Variants in NBEA observed in about 807,000 individuals in gnomAD.
NBEA encodes the protein lysosomal-trafficking regulator 2.
In NBEA, 44 loss-of-function variants were observed where a neutral mutation model predicts 343.4. That is an observed-to-expected ratio of 0.13 (90% CI 0.10 to 0.16). The LOEUF (loss-of-function observed/expected upper bound fraction) is 0.16. NBEA is among the 10% of genes least tolerant of loss of function. The pLI is 1.00. For synonymous variants in NBEA, 1,175 were observed against 1,238.7 expected, an observed-to-expected ratio of 0.95 and a Z score of 1.08; for missense variants, 2,555 against 3,631.3, an observed-to-expected ratio of 0.70 and a Z score of 7.62.
At chr13:35,115,556 T>C (rs1175465182) in intron 13 of NBEA, among the ~76,000 whole-genome samples, 2 of 152,158 alleles carry the variant, frequency 1.3e-5, no homozygotes, top group African/African-American at 4.8e-5. Context: ...TATGTATTAC[T>C]AATTTATTGT....
At chr13:35,106,557 A>G (rs760313291) in intron 11 of NBEA, among the ~76,000 whole-genome samples, 15 of 152,000 alleles carry the variant, frequency 9.9e-5, no homozygotes, top group African/African-American at 3.6e-4. Context: ...AGGAGGAAAG[A>G]TAAGTACTAC....
At chr13:34,956,382 GAA>G (rs1335713116) in intron 1 of NBEA, among the ~76,000 whole-genome samples, 2 of 146,572 alleles carry the variant, frequency 1.4e-5, no homozygotes, top group African/African-American at 5.0e-5. Context: ...GAAAGTCAGT[GAA>G]AGTTGTTTTT....
Position 35,154,327 on chromosome 13 carries a change from T to C in NBEA, c.2446-1447T>C, listed in dbSNP as rs150869567. 1.6e-3 allele frequency among the ~76,000 whole-genome samples: 243 copies of C among 152,300 alleles called. 1 individual carries two copies. The highest frequency in any genetic ancestry group is 5.2e-3 in the African/African-American group (216 of 41,568). ...TTTTCCATCTTCAGCTTCTACAATA[T>C]AGCTATGTTCAATTGTCCTTTCAAC... On this transcript the variant is annotated intron_variant, in intron 18 of 58. Coordinates refer to ENST00000379939, the MANE Select transcript of NBEA (RefSeq NM_001385012.1).
chr13:35,251,288 G>A, intron 34 of NBEA: 1 of 623,224 alleles, frequency 1.6e-6, no homozygotes, highest in Non-Finnish European at 2.1e-6. Flanking sequence ...CAGATTCATA[G>A]TATGCCAGCA....
intron 1 of NBEA, among the ~76,000 whole-genome samples, chr13:34,961,492 C>G (rs1326362390): frequency 2.0e-5 from 3 of 151,898 alleles, no homozygotes; most frequent in Admixed American, 6.6e-5. Flanking sequence ...GCACGCACCC[C>G]CATATAAATA....
At chr13:35,246,719 C>G (rs1291721848) in intron 34 of NBEA, among the ~76,000 whole-genome samples, 1 of 152,132 alleles carries the variant, frequency 6.6e-6, no homozygotes, top group African/African-American at 2.4e-5. Flanking sequence ...TCTGAAGGTC[C>G]TCAGTTGTAG....
At chr13:35,269,388 A>G (rs2033951460) in intron 34 of NBEA, among the ~76,000 whole-genome samples, 1 of 152,200 alleles carries the variant, frequency 6.6e-6, no homozygotes, top group African/African-American at 2.4e-5. Context: ...AGACCAAGTA[A>G]GATTGGGCAA....
chr13:35,132,192 C>T (rs1164491156), intron 17 of NBEA, among the ~76,000 whole-genome samples: 2 of 152,136 alleles, frequency 1.3e-5, no homozygotes, highest in African/African-American at 2.4e-5. Flanking sequence ...GAGTCTCACT[C>T]TATTACCCAG....
intron 35 of NBEA, among the ~76,000 whole-genome samples, chr13:35,304,085 C>G (rs886112615): frequency 1.3e-5 from 2 of 152,134 alleles, no homozygotes; most frequent in Non-Finnish European, 2.9e-5. Flanking sequence ...GAATGTGACA[C>G]AGTCCCACCA....
chr13:35,319,401 G>T (rs2037978357), intron 36 of NBEA, among the ~76,000 whole-genome samples: 1 of 152,140 alleles, frequency 6.6e-6, no homozygotes, highest in Admixed American at 6.5e-5. Flanking sequence ...ATGTAGTTGT[G>T]TGGTTTTAAG....
At chr13:35,662,300 T>C (rs2085131264) in intron 55 of NBEA, among the ~76,000 whole-genome samples, 1 of 152,196 alleles carries the variant, frequency 6.6e-6, no homozygotes, top group Non-Finnish European at 1.5e-5. Context: ...CGGTGAGTGC[T>C]TCTGTGGAGG....
intron 4 of NBEA, among the ~76,000 whole-genome samples, chr13:35,047,254 A>C (rs943682210): frequency 6.6e-6 from 1 of 151,112 alleles, no homozygotes; most frequent in African/African-American, 2.4e-5. Flanking sequence ...AAGCACTTAG[A>C]AATCTTTGAC....
chr13:35,635,771 A>C (rs1448285895), intron 49 of NBEA, among the ~76,000 whole-genome samples: 1 of 152,234 alleles, frequency 6.6e-6, no homozygotes, highest in Non-Finnish European at 1.5e-5. Flanking sequence ...TTAATGACAC[A>C]CATTTAATTT....
chr13:35,473,680 A>G (rs1388849036), intron 41 of NBEA, among the ~76,000 whole-genome samples: 1 of 152,160 alleles, frequency 6.6e-6, no homozygotes, highest in Non-Finnish European at 1.5e-5. Flanking sequence ...TTTTGTGTTC[A>G]TCCTTTTATT....
intron 33 of NBEA, among the ~76,000 whole-genome samples, chr13:35,212,007 AC>A (rs1290486612): frequency 6.6e-6 from 1 of 151,732 alleles, no homozygotes; most frequent in Non-Finnish European, 1.5e-5. Flanking sequence ...GTGTACACAC[AC>A]ACACACACAC....
intron 49 of NBEA, among the ~76,000 whole-genome samples, chr13:35,629,044 T>G (rs998715338): frequency 5.9e-5 from 9 of 152,244 alleles, no homozygotes; most frequent in Non-Finnish European, 1.2e-4. Context: ...CTGAAATGTT[T>G]ATAGCTAACA....
At chr13:35,539,559 A>G (rs1487604410) in intron 41 of NBEA, among the ~76,000 whole-genome samples, 3 of 152,190 alleles carry the variant, frequency 2.0e-5, no homozygotes. Context: ...TATGATTTTG[A>G]TTTTCATGAC....
intron 41 of NBEA, among the ~76,000 whole-genome samples, chr13:35,528,425 A>G (rs1175135278): frequency 6.6e-6 from 1 of 152,242 alleles, no homozygotes; most frequent in Non-Finnish European, 1.5e-5. Context: ...TAAGAACCAG[A>G]AGCAATTCCA....
At chr13:35,218,570 T>A (rs1319756408) in intron 33 of NBEA, among the ~76,000 whole-genome samples, 1 of 152,026 alleles carries the variant, frequency 6.6e-6, no homozygotes. Flanking sequence ...AGGCATTCTT[T>A]TTAAATTCTT....
Sources: allele counts gnomAD v4.1 joint callset (sites outside exome capture counted in the v4.1 genomes callset), GRCh38; gene constraint gnomAD v4.1.1; transcripts MANE v1.5; gene names NCBI Gene and HGNC (gene_info 2026-07-23, HGNC 2026-07-21).